The following DCUN1D3 variants were observed in gnomAD, a reference collection of about 807,000 sequenced individuals.
The protein encoded by DCUN1D3 is DCN1-like protein 3.
Under a neutral mutation model 24.8 loss-of-function variants are expected in DCUN1D3, and 6 were observed. The ratio of observed to expected loss-of-function variants is 0.24; its 90% CI spans 0.13 to 0.48. The LOEUF (loss-of-function observed/expected upper bound fraction) is 0.48, where lower values mean the gene tolerates loss of function less well. Ranked by LOEUF, DCUN1D3 falls within the 20% of genes least tolerant of loss-of-function variation. The pLI is 0.99. For missense variants in DCUN1D3, 258 were observed against 379.4 expected, an observed-to-expected ratio of 0.68 and a Z score of 2.66; for synonymous variants, 120 against 144.9, an observed-to-expected ratio of 0.83 and a Z score of 1.24.
chr16:20,895,559 T>C (rs1359702637), intron 1 of DCUN1D3, among the ~76,000 whole-genome samples: 1 of 152,200 alleles, frequency 6.6e-6, no homozygotes, highest in Non-Finnish European at 1.5e-5. Flanking sequence ...GTGAATTTGG[T>C]AACTAAGGGG....
intron 1 of DCUN1D3, among the ~76,000 whole-genome samples, chr16:20,886,658 A>G (rs2081869376): frequency 6.6e-6 from 1 of 152,196 alleles, no homozygotes; most frequent in Non-Finnish European, 1.5e-5. Flanking sequence ...AACACACACA[A>G]AAGTCTGAAG....
rs748783398 is a variant in DCUN1D3, at chr16:20,860,145, G to T, written c.656C>A (p.Pro219Gln). 6.2e-7 allele frequency: 1 copy of T among 1,614,126 alleles called. No homozygotes were observed. The highest frequency in any genetic ancestry group is 1.3e-5 in the African/African-American group (1 of 74,938). Residue 219 changes from proline (P) to glutamine (Q), a missense_variant, in exon 3 of 3, where the codon CCG becomes CAG. Pro to Gln is a moderately conservative substitution (Grantham distance 76). Coordinates refer to ENST00000324344, the MANE Select transcript of DCUN1D3 (RefSeq NM_173475.4). The surrounding 1 kb of genome is among the most constrained non-coding windows in gnomAD (Gnocchi z 4.3). Reference sequence around the variant, plus strand: ...GAAGTTTAGCCATTGGTCCAATACCGGAGGATTGTTCTGGGTAAAGACTAG... The same window carrying T: ...GAAGTTTAGCCATTGGTCCAATACCTGAGGATTGTTCTGGGTAAAGACTAG... ...WKLVFTQNNPPVLDQWLNFLT... is the reference protein window; with the variant it reads ...WKLVFTQNNPQVLDQWLNFLT...
chr16:20,897,626 C>A (rs369665241), intron 1 of DCUN1D3, among the ~76,000 whole-genome samples: 3 of 152,240 alleles, frequency 2.0e-5, no homozygotes, highest in South Asian at 4.1e-4. Context: ...CTTGCCCAGT[C>A]CTTAAATTCA....
At position 20,859,784 on chromosome 16, in the gene DCUN1D3, T is replaced by C. The variant is rs2081722219; in HGVS notation, c.*102A>G. Reference sequence around the variant, plus strand: ...ATACAAGGCAGAGAAAGGTGTAAAGTAGAAAATATCCGGATCTTCAGTAAT... The same window carrying C: ...ATACAAGGCAGAGAAAGGTGTAAAGCAGAAAATATCCGGATCTTCAGTAAT... On this transcript the variant is annotated 3_prime_UTR_variant, in exon 3 of 3. Coordinates refer to ENST00000324344, the MANE Select transcript of DCUN1D3 (RefSeq NM_173475.4). 6.9e-7 allele frequency: 1 copy of C among 1,439,350 alleles called. No individual in the cohort carries two copies. The allele number at this position is 1,439,350 out of a possible 1,614,324, so 89.2% of individuals were successfully genotyped here. A position where few individuals can be genotyped will look rare whatever the true frequency, so the allele number is the denominator to read the frequency against.
chr16:20,881,922 C>A (rs1227515215), intron 1 of DCUN1D3, among the ~76,000 whole-genome samples: 1 of 152,144 alleles, frequency 6.6e-6, no homozygotes, highest in Non-Finnish European at 1.5e-5. Flanking sequence ...CCTACCTCAG[C>A]CTCCCAAGTA....
At position 20,878,753 on chromosome 16, in the gene DCUN1D3, A is replaced by C. The variant is rs1045390632; in HGVS notation, c.-105-16110T>G. 4.6e-5 allele frequency among the ~76,000 whole-genome samples: 7 copies of C among 152,226 alleles called. No individual in the cohort carries two copies. In the East Asian group the frequency reaches 7.7e-4, roughly 17 times the overall value. ...CCACTGTTCACTTGATGACAGAGTG[A>C]CTTTTAACTTGGAGGGCTGAAGCAC... On this transcript the variant is annotated intron_variant, in intron 1 of 2. Coordinates refer to ENST00000324344, the MANE Select transcript of DCUN1D3 (RefSeq NM_173475.4).
intron 1 of DCUN1D3, among the ~76,000 whole-genome samples, chr16:20,877,211 C>A (rs753385502): frequency 4.0e-5 from 6 of 151,720 alleles, no homozygotes; most frequent in Non-Finnish European, 7.4e-5. Flanking sequence ...CTCAAAACTA[C>A]ATATATTATT....
At position 20,864,852 on chromosome 16, in the gene DCUN1D3, G is replaced by C. The variant is rs953309848; in HGVS notation, c.-105-2209C>G. 2.0e-5 allele frequency among the ~76,000 whole-genome samples: 3 copies of C among 152,282 alleles called. No individual in the cohort carries two copies. The South Asian group carries it at 6.2e-4, about 32-fold the overall frequency. ...CATGTCTTTTGTGGGAACACACATG[G>C]AGCTGGAGGCTATGATCCTCAGCAA... On this transcript the variant is annotated intron_variant, in intron 1 of 2. Coordinates refer to ENST00000324344, the MANE Select transcript of DCUN1D3 (RefSeq NM_173475.4).
intron 1 of DCUN1D3, 46 bp from the exon 2 acceptor site, chr16:20,862,689 G>A: frequency 1.1e-5 from 16 of 1,481,380 alleles, no homozygotes; most frequent in Non-Finnish European, 1.4e-5. Context: ...GGGGAAATGG[G>A]GTATGGACCC....
intron 1 of DCUN1D3, among the ~76,000 whole-genome samples, chr16:20,898,458 A>G (rs2081929934): frequency 6.6e-6 from 1 of 152,244 alleles, no homozygotes; most frequent in African/African-American, 2.4e-5. Context: ...ACTGGCTAGC[A>G]CTTAGGAGTC....
Position 20,894,146 on chromosome 16 carries a change from T to C in DCUN1D3, c.-106+6058A>G, listed in dbSNP as rs577851946. Among the ~76,000 whole-genome samples, 3 of 152,218 alleles carry C rather than the reference T, an allele frequency of 2.0e-5. No homozygotes were observed. The East Asian group carries it at 5.8e-4, about 29-fold the overall frequency. On this transcript the variant is annotated intron_variant, in intron 1 of 2. Coordinates refer to ENST00000324344, the MANE Select transcript of DCUN1D3 (RefSeq NM_173475.4). ...AGTGGTGCATGGTGGTGCAGGCCTG[T>C]AGTCCCAGCTACTCAGGAGGGCTGA...
intron 1 of DCUN1D3, among the ~76,000 whole-genome samples, chr16:20,889,861 T>C (rs1362128449): frequency 6.6e-6 from 1 of 152,104 alleles, no homozygotes; most frequent in African/African-American, 2.4e-5. Context: ...ACCAAGCACA[T>C]GATTAGACCT....
intron 1 of DCUN1D3, 56 bp from the exon 2 acceptor site, chr16:20,862,699 C>T (rs963338457): frequency 1.0e-5 from 15 of 1,458,044 alleles, no homozygotes; most frequent in Non-Finnish European, 1.3e-5. Flanking sequence ...GGTATGGACC[C>T]TACCTTCTAG....
chr16:20,866,775 G>A (rs199513072), intron 1 of DCUN1D3, among the ~76,000 whole-genome samples: 7 of 152,182 alleles, frequency 4.6e-5, no homozygotes, highest in Admixed American at 3.9e-4. Flanking sequence ...GTGTTGAGGC[G>A]AGTGGTGGTC....
At position 20,856,325 on chromosome 16, in the gene DCUN1D3, G is replaced by A. The variant is rs1222529622; in HGVS notation, c.*3561C>T. The stretch of plus-strand genomic sequence containing the variant: ...TCCCCACCACTGTTTAATACAATTT[G>A]GCACAGTATATAGTACATGAGGCCA... On this transcript the variant is annotated 3_prime_UTR_variant, in exon 3 of 3. Transcript: ENST00000324344. The A allele has an allele frequency of 6.6e-6, 1 of 152,070 alleles. No individual in the cohort carries two copies. The highest frequency in any genetic ancestry group is 2.4e-5 in the African/African-American group (1 of 41,400). 9.4% of individuals were successfully genotyped at this position (152,070 alleles called of 1,614,324 possible). A position where few individuals can be genotyped will look rare whatever the true frequency, so the allele number is the denominator to read the frequency against.
intron 1 of DCUN1D3, among the ~76,000 whole-genome samples, chr16:20,870,624 T>C (rs79939150): frequency 8.5e-5 from 13 of 152,184 alleles, no homozygotes; most frequent in Non-Finnish European, 1.6e-4. Context: ...AGCAAAGCAC[T>C]TGAGATCTGC....
chr16:20,890,914 T>A lies in DCUN1D3; in HGVS notation c.-106+9290A>T, dbSNP rs57429889. Among the ~76,000 whole-genome samples the A allele has an allele frequency of 7.7e-3, 949 of 123,414 alleles. 8 individuals carry two copies. The highest frequency in any genetic ancestry group is 0.029 in the African/African-American group (771 of 26,358). The allele number at this position is 123,414 out of a possible 152,430, so 81.0% of individuals were successfully genotyped here. A position where few individuals can be genotyped will look rare whatever the true frequency, so the allele number is the denominator to read the frequency against. ...GACAGATCACAGCACCTGGTCAAAA[T>A]TTTTTTTTTTTTTTTTAAAGAAGAA... On this transcript the variant is annotated intron_variant, in intron 1 of 2. Coordinates refer to ENST00000324344, the MANE Select transcript of DCUN1D3 (RefSeq NM_173475.4).
chr16:20,878,057 C>T (rs1302008168), intron 1 of DCUN1D3, among the ~76,000 whole-genome samples: 4 of 152,200 alleles, frequency 2.6e-5, no homozygotes, highest in Non-Finnish European at 5.9e-5. Flanking sequence ...CTGCCTCAGT[C>T]TCCCAAAGCA....
rs1228222275 is a variant in DCUN1D3, at chr16:20,859,560, C to CA, written c.*325dup. 4.1e-3 allele frequency: 352 copies of CA among 86,112 alleles called. No homozygotes were observed. The highest frequency in any genetic ancestry group is 0.011 in the African/African-American group (221 of 20,944). 5.3% of individuals were successfully genotyped at this position (86,112 alleles called of 1,614,324 possible). Reference sequence around the variant, plus strand: ...CCTACCAAAAAAAAAAAAAAAAAAACAAAAAAAAACAAAAAAAAAACCTAA... The same window carrying CA: ...CCTACCAAAAAAAAAAAAAAAAAAACAAAAAAAAAACAAAAAAAAAACCTAA... On this transcript the variant is annotated 3_prime_UTR_variant, in exon 3 of 3. Coordinates refer to ENST00000324344, the MANE Select transcript of DCUN1D3 (RefSeq NM_173475.4).
Sources: allele counts gnomAD v4.1 joint callset (sites outside exome capture counted in the v4.1 genomes callset), GRCh38; gene constraint gnomAD v4.1.1; non-coding constraint Gnocchi (gnomAD v3.1); transcripts MANE v1.5; gene names NCBI Gene and HGNC (gene_info 2026-07-23, HGNC 2026-07-21).